DNAAF2: variants seen among roughly 807,000 people sequenced by gnomAD.
DNAAF2 encodes the protein protein kintoun.
In DNAAF2, 58 loss-of-function variants were observed where a neutral mutation model predicts 48.8. The ratio of observed to expected loss-of-function variants is 1.19; its 90% CI spans 0.96 to 1.48. The LOEUF is 1.48. DNAAF2 is among the 40% of genes most tolerant of loss of function. The pLI is 0.00. For synonymous variants in DNAAF2, 567 were observed against 481.2 expected (o/e 1.18, Z -2.33); for missense variants, 1,241 against 1,116.1 (o/e 1.11, Z -1.59).
intron 1 of DNAAF2, chr14:49,629,343 C>T (rs1209253053): frequency 6.6e-6 from 1 of 151,872 alleles, no homozygotes; most frequent in Non-Finnish European, 1.5e-5. Flanking sequence ...CAGTCGCACA[C>T]TCATAGCCCC....
intron 1 of DNAAF2, among the ~76,000 whole-genome samples, chr14:49,631,304 T>C (rs1566510371): frequency 6.6e-6 from 1 of 152,142 alleles, no homozygotes; most frequent in Non-Finnish European, 1.5e-5. Context: ...CGAAGGAATA[T>C]ATAGTGGACA....
At position 49,635,237 on chromosome 14, in the gene DNAAF2, A is replaced by G; in HGVS notation, c.-88T>C. 1 of 1,400,212 alleles carries G rather than the reference A, an allele frequency of 7.1e-7. No individual in the cohort carries two copies. The highest frequency in any genetic ancestry group is 9.8e-7 in the Non-Finnish European group (1 of 1,016,528). 86.7% of individuals were successfully genotyped at this position (1,400,212 alleles called of 1,614,324 possible). A position where few individuals can be genotyped will look rare whatever the true frequency, so the allele number is the denominator to read the frequency against. On this transcript the variant is annotated 5_prime_UTR_variant, in exon 1 of 3. Transcript: ENST00000298292. ...CCGCCTCAGAGTTTCTGGGCAGCGT[A>G]CAGTGACGCGGTGGAGGTCGGTAAC... is the stretch of plus-strand genomic sequence containing the variant.
rs770686606 is a variant in DNAAF2 at position 49,634,135 on chromosome 14, G to C, written c.1015C>G (p.Arg339Gly). Residue 339 changes from arginine to glycine, a missense_variant, in exon 1 of 3, where the codon CGG (arginine) becomes GGG (glycine). Transcript: ENST00000298292. Reference sequence around the variant, plus strand: ...GGCAGCGTAACCACCAGCTGCCGCCGGGCCTTGTTGAATTGTGCCTTGCCG... The same window carrying C: ...GGCAGCGTAACCACCAGCTGCCGCCCGGCCTTGTTGAATTGTGCCTTGCCG... ...GRGKAQFNKA[R>G]RQLVVTLPVV... is the part of the protein sequence containing the mutation. 1.3e-6 allele frequency: 2 copies of C among 1,570,686 alleles called. No individual in the cohort carries two copies. The highest frequency in any genetic ancestry group is 1.7e-6 in the Non-Finnish European group (2 of 1,159,372).
rs1883244313 is a variant in DNAAF2, at chr14:49,633,925, C to T, written c.1225G>A (p.Gly409Ser). Residue 409 changes from glycine to serine, a missense_variant, in exon 1 of 3, where the codon GGC (glycine) becomes AGC (serine). By Grantham distance (56) the Gly-to-Ser change is moderately conservative. Coordinates refer to ENST00000298292, the MANE Select transcript of DNAAF2 (RefSeq NM_018139.3). ...GHDTCVAGAA[G>S]SGVTTLGDPE... ...TCGCCCAGGGTGGTGACCCCGGAGC[C>T]CGCAGCCCCAGCCACGCAGGTATCG... 1 of 1,531,962 alleles carries T rather than the reference C, an allele frequency of 6.5e-7. No individual in the cohort carries two copies. The highest frequency in any genetic ancestry group is 8.7e-7 in the Non-Finnish European group (1 of 1,145,200). 94.9% of individuals were successfully genotyped at this position (1,531,962 alleles called of 1,614,324 possible). A position where few individuals can be genotyped will look rare whatever the true frequency, so the allele number is the denominator to read the frequency against.
chr14:49,633,818 C>A lies in DNAAF2; in HGVS notation c.1332G>T (p.Ala444=). The A allele has an allele frequency of 6.3e-7, 1 of 1,584,242 alleles. No homozygotes were observed. ...KPGEQDLSRH[A]GSPPGSVEEP... is the part of the protein sequence containing the mutation. ...CCTCCACGCTGCCCGGCGGTGACCC[C>A]GCGTGCCTGCTCAAGTCCTGCTCCC... Residue 444 remains alanine (A), a synonymous_variant, in exon 1 of 3, where the codon GCG becomes GCT. Transcript: ENST00000298292.
In DNAAF2 at chr14:49,625,593, C is replaced by G. The variant is rs1404564209; in HGVS notation, c.2463G>C (p.Val821=). The G allele has an allele frequency of 6.2e-7, 1 of 1,609,794 alleles. No individual in the cohort carries two copies. The highest frequency in any genetic ancestry group is 1.1e-5 in the South Asian group (1 of 89,358). ...DGSVQVIKDH[V]TNCAFSFQNS... Reference sequence around the variant, plus strand: ...TCTGAAAACTGAATGCACAATTGGTCACATGATCTTTAATGACCTGCACAC... The same window carrying G: ...TCTGAAAACTGAATGCACAATTGGTGACATGATCTTTAATGACCTGCACAC... Residue 821 remains valine, a synonymous_variant, in exon 3 of 3, where the codon GTG becomes GTC. Transcript: ENST00000298292.
chr14:49,630,948 A>G (rs1883145421), intron 1 of DNAAF2, among the ~76,000 whole-genome samples: 1 of 151,914 alleles, frequency 6.6e-6, no homozygotes. Flanking sequence ...ACAGGGTTTC[A>G]CCTTGTTGGC....
chr14:49,633,899 G>T lies in DNAAF2; in HGVS notation c.1251C>A (p.Asp417Glu). Residue 417 changes from aspartate (D) to glutamate (E), a missense_variant, in exon 1 of 3, where the codon GAC (aspartate) becomes GAA (glutamate). By Grantham distance (45) the Asp-to-Glu change is conservative. Coordinates refer to ENST00000298292, the MANE Select transcript of DNAAF2 (RefSeq NM_018139.3). ...CGGCCGGCGGAGGCGCCACCTCCGG[G>T]TCGCCCAGGGTGGTGACCCCGGAGC... ...AAGSGVTTLG[D>E]PEVAPPPAAA... 1 of 1,534,012 alleles carries T rather than the reference G, an allele frequency of 6.5e-7. No individual in the cohort carries two copies. Among genetic ancestry groups the T allele is most frequent in the Non-Finnish European group, 8.7e-7 (1 of 1,146,422 alleles).
intron 1 of DNAAF2, among the ~76,000 whole-genome samples, chr14:49,630,676 C>T (rs1212179855): frequency 7.1e-6 from 1 of 139,976 alleles, no homozygotes; most frequent in East Asian, 1.9e-4. Flanking sequence ...TCTCCACACA[C>T]ACACACACAC....
In DNAAF2 at chr14:49,633,802, T is replaced by A. The variant is rs1883237785; in HGVS notation, c.1348A>T (p.Ser450Cys). The change falls in exon 1 of 3, where the codon AGC becomes TGC. Residue 450 changes from serine (S) to cysteine (C), a missense_variant. Ser to Cys is a moderately radical substitution (Grantham distance 112). Coordinates refer to ENST00000298292, the MANE Select transcript of DNAAF2 (RefSeq NM_018139.3). ...CCTCCAGGAGATGGCTCCTCCACGC[T>A]GCCCGGCGGTGACCCCGCGTGCCTG... ...LSRHAGSPPG[S>C]VEEPSPGGEN... 6.9e-6 allele frequency: 11 copies of A among 1,588,758 alleles called. No individual in the cohort carries two copies. The East Asian group carries it at 2.5e-4, about 36-fold the overall frequency.
Position 49,634,723 on chromosome 14 carries a change from C to T in DNAAF2, c.427G>A (p.Asp143Asn). Reference sequence around the variant, plus strand: ...AGCGCGTCTGGATGGAAGACCACGTCGTAGACCATGTAGCGGCTGCTGCTG... The same window carrying T: ...AGCGCGTCTGGATGGAAGACCACGTTGTAGACCATGTAGCGGCTGCTGCTG... Reference protein sequence around the residue: ...GRSSSRYMVYDVVFHPDALAL... With the variant: ...GRSSSRYMVYNVVFHPDALAL... The change falls in exon 1 of 3, where the codon GAC becomes AAC. Residue 143 changes from aspartate (D) to asparagine (N), a missense_variant. By Grantham distance (23) the Asp-to-Asn change is conservative. Transcript: ENST00000298292. 6.2e-7 allele frequency: 1 copy of T among 1,605,832 alleles called. No homozygotes were observed. The highest frequency in any genetic ancestry group is 1.1e-5 in the South Asian group (1 of 91,022).
rs776421647 is a variant in DNAAF2, at chr14:49,634,733, G to A, written c.417C>T (p.Tyr139=). 3.4e-5 allele frequency: 55 copies of A among 1,604,954 alleles called. No individual in the cohort carries two copies. In the East Asian group the frequency reaches 5.4e-4, roughly 16 times the overall value. ...REYAGRSSSR[Y]MVYDVVFHPD... is the part of the protein sequence containing the mutation. ...GATGGAAGACCACGTCGTAGACCAT[G>A]TAGCGGCTGCTGCTGCGCCCCGCGT... The change falls in exon 1 of 3, where the codon TAC becomes TAT. Residue 139 remains tyrosine, a synonymous_variant. Transcript: ENST00000298292.
intron 2 of DNAAF2, 47 bp downstream of exon 2, chr14:49,627,965 A>G (rs769497838): frequency 2.7e-6 from 4 of 1,487,320 alleles, no homozygotes; most frequent in Non-Finnish European, 3.6e-6. Flanking sequence ...GTTAGGTTTT[A>G]ACTCTGTGCT....
chr14:49,633,504 T>G lies in DNAAF2; in HGVS notation c.1646A>C (p.Gln549Pro). 6.2e-7 allele frequency: 1 copy of G among 1,614,032 alleles called. No homozygotes were observed. Among genetic ancestry groups the G allele is most frequent in the South Asian group, 1.1e-5 (1 of 91,082 alleles). Residue 549 changes from glutamine (Q) to proline (P), a missense_variant, in exon 1 of 3, where the codon CAA becomes CCA. Gln to Pro is a moderately conservative substitution (Grantham distance 76). Transcript: ENST00000298292. ...QVPRIQPQSL[Q>P]GDLNPLWYKL... ...GTACCAGAGGGGATTCAAATCTCCT[T>G]GAAGACTTTGCGGCTGGATCCGAGG...
intron 1 of DNAAF2, chr14:49,629,494 A>C (rs1213030472): frequency 6.6e-6 from 1 of 151,784 alleles, no homozygotes; most frequent in Non-Finnish European, 1.5e-5. Flanking sequence ...AACGCCTGTA[A>C]TTCCAGCACT....
rs144167703 is a variant in DNAAF2 at position 49,627,831 on chromosome 14, G to C, written c.2007+181C>G. On this transcript the variant is annotated intron_variant, in intron 2 of 2. Transcript: ENST00000298292. ...GATCGCGCTACTGCACTTCAGCCTG[G>C]GTGACAGAGGGAGACTCCATCTCAA... Among the ~76,000 whole-genome samples the C allele has an allele frequency of 1.1e-3, 167 of 151,472 alleles. 3 individuals carry two copies. The East Asian group carries it at 0.018, about 16-fold the overall frequency.
At chr14:49,632,095 A>C (rs1883178624) in intron 1 of DNAAF2, among the ~76,000 whole-genome samples, 1 of 152,234 alleles carries the variant, frequency 6.6e-6, no homozygotes, top group Non-Finnish European at 1.5e-5. Flanking sequence ...ATCGGATTAA[A>C]ATGTATTATT....
rs756137130 is a variant in DNAAF2 at position 49,625,861 on chromosome 14, G to A, written c.2195C>T (p.Ser732Phe). 6.2e-7 allele frequency: 1 copy of A among 1,612,040 alleles called. No homozygotes were observed. Among genetic ancestry groups the A allele is most frequent in the Non-Finnish European group, 8.5e-7 (1 of 1,179,412 alleles). ...FGLVTCFQQESLDVSQMILGK... is the reference protein window; with the variant it reads ...FGLVTCFQQEFLDVSQMILGK... ...AAGTATCATTTGAGAAACATCAAGA[G>A]ACTCTTGTTGAAAGCATGTAACTAA... is the stretch of plus-strand genomic sequence containing the variant. The change falls in exon 3 of 3, where the codon TCT becomes TTT. Residue 732 changes from serine to phenylalanine, a missense_variant. Transcript: ENST00000298292.
chr14:49,629,279 TTTTC>T (rs1883091147), intron 1 of DNAAF2: 1 of 152,552 alleles, frequency 6.6e-6, no homozygotes, highest in Non-Finnish European at 1.4e-5. Context: ...GCCCCCCTTT[TTTTC>T]TTTTTTTTGC....
Sources: gnomAD v4.1 joint callset for allele counts (sites outside exome capture counted in the v4.1 genomes callset) on GRCh38, gnomAD v4.1.1 for gene constraint, MANE v1.5 for transcripts, NCBI Gene and HGNC (gene_info 2026-07-23, HGNC 2026-07-21) for gene names.